OPCML: variants seen among roughly 807,000 people sequenced by gnomAD.
OPCML encodes the protein opioid-binding protein/cell adhesion molecule.
Under a neutral mutation model 37.8 loss-of-function variants are expected in OPCML, and 13 were observed. The ratio of observed to expected loss-of-function variants is 0.34; its 90% CI spans 0.22 to 0.55. The LOEUF (loss-of-function observed/expected upper bound fraction) is 0.55, where lower values mean the gene tolerates loss of function less well. OPCML is among the 20% of genes least tolerant of loss of function. The pLI is 0.91. For synonymous variants in OPCML, 176 were observed against 168.8 expected (o/e 1.04, Z -0.33); for missense variants, 341 against 435.6 (o/e 0.78, Z 1.93).
At chr11:133,472,747 T>G (rs564632008) in intron 1 of OPCML, among the ~76,000 whole-genome samples, 1 of 152,222 alleles carries the variant, frequency 6.6e-6, no homozygotes, top group East Asian at 1.9e-4. Context: ...AAGACAAATC[T>G]TCCAGTGTTT....
intron 7 of OPCML, among the ~76,000 whole-genome samples, chr11:132,434,871 G>A (rs184980701): frequency 2.0e-5 from 3 of 152,206 alleles, no homozygotes; most frequent in Admixed American, 1.3e-4. Context: ...TACAGAAATA[G>A]CAGAATGAGC....
intron 2 of OPCML, among the ~76,000 whole-genome samples, chr11:132,871,241 C>T (rs2136393878): frequency 6.6e-6 from 1 of 151,818 alleles, no homozygotes; most frequent in Admixed American, 6.6e-5. Flanking sequence ...AGTCAGCCCT[C>T]CCTATCTGTG....
Position 133,076,477 on chromosome 11 carries a change from G to A in OPCML, c.62-133467C>T, listed in dbSNP as rs115350142. 4.4e-3 allele frequency among the ~76,000 whole-genome samples: 667 copies of A among 152,300 alleles called. 3 individuals carry two copies. Among genetic ancestry groups the A allele is most frequent in the African/African-American group, 0.015 (618 of 41,558 alleles). On this transcript the variant is annotated intron_variant, in intron 1 of 7. Coordinates refer to ENST00000524381, the MANE Select transcript of OPCML (RefSeq NM_001012393.5). ...GGGTTCCATTTAAGATGTGAGGAAAGTAAGGCTTCAAGAGGAGATGTTATA... is the reference window on the plus strand; with the variant it reads ...GGGTTCCATTTAAGATGTGAGGAAAATAAGGCTTCAAGAGGAGATGTTATA...
Position 132,796,686 on chromosome 11 carries a change from G to T in OPCML, c.147-139367C>A, listed in dbSNP as rs1413107326. The stretch of plus-strand genomic sequence containing the variant: ...CCTCCCGGGTTCATGCCGTTCTCCT[G>T]CCTCGGCCTCCCTCCTGAGTAGCTG... On this transcript the variant is annotated intron_variant, in intron 2 of 7. Coordinates refer to ENST00000524381, the MANE Select transcript of OPCML (RefSeq NM_001012393.5). Among the ~76,000 whole-genome samples the T allele has an allele frequency of 2.0e-5, 3 of 146,442 alleles. No homozygotes were observed. In the East Asian group the frequency reaches 6.2e-4, roughly 30 times the overall value.
intron 1 of OPCML, among the ~76,000 whole-genome samples, chr11:133,482,529 C>T (rs1019672455): frequency 3.3e-5 from 5 of 151,946 alleles, no homozygotes; most frequent in African/African-American, 9.7e-5. Context: ...GGAGGGTGGC[C>T]GGGGCATGGC....
At chr11:133,466,930 G>A (rs1946989774) in intron 1 of OPCML, among the ~76,000 whole-genome samples, 1 of 152,212 alleles carries the variant, frequency 6.6e-6, no homozygotes, top group African/African-American at 2.4e-5. Flanking sequence ...TCCTCGGGTA[G>A]AGTTGTTTTG....
At chr11:132,447,081 C>T (rs1417917721) in intron 4 of OPCML, among the ~76,000 whole-genome samples, 1 of 152,180 alleles carries the variant, frequency 6.6e-6, no homozygotes, top group Non-Finnish European at 1.5e-5. Context: ...ACAAAACCTT[C>T]AATTAGTTAC....
intron 2 of OPCML, among the ~76,000 whole-genome samples, chr11:132,861,264 A>G (rs969720081): frequency 6.6e-6 from 1 of 152,220 alleles, no homozygotes; most frequent in African/African-American, 2.4e-5. Flanking sequence ...TTTCTTTAGA[A>G]GGGCTAGGCG....
chr11:132,707,501 A>G (rs576091059), intron 2 of OPCML, among the ~76,000 whole-genome samples: 4 of 152,376 alleles, frequency 2.6e-5, no homozygotes, highest in East Asian at 3.9e-4. Flanking sequence ...ATAGCAAATG[A>G]CATCTGCCCA....
At chr11:133,435,221 G>A (rs534600120) in intron 1 of OPCML, among the ~76,000 whole-genome samples, 2 of 152,248 alleles carry the variant, frequency 1.3e-5, no homozygotes, top group East Asian at 3.9e-4. Flanking sequence ...TGAATATGGG[G>A]ATTGATGAAG....
intron 3 of OPCML, among the ~76,000 whole-genome samples, chr11:132,594,802 A>G (rs191796765): frequency 1.2e-4 from 19 of 152,342 alleles, no homozygotes; most frequent in Non-Finnish European, 2.5e-4. Context: ...TCATAAATGA[A>G]TGAATCAATC....
chr11:133,169,324 C>T (rs1006047561), intron 1 of OPCML, among the ~76,000 whole-genome samples: 1 of 151,894 alleles, frequency 6.6e-6, no homozygotes, highest in African/African-American at 2.4e-5. Flanking sequence ...TATTAGCTCA[C>T]AAAAACCACA....
In OPCML at chr11:133,095,275, A is replaced by ATT. The variant is rs1214349245; in HGVS notation, c.62-152266_62-152265insAA. 1.2e-3 allele frequency among the ~76,000 whole-genome samples: 117 copies of ATT among 97,726 alleles called. 3 individuals carry two copies. Among genetic ancestry groups the ATT allele is most frequent in the African/African-American group, 5.4e-3 (106 of 19,584 alleles). 64.1% of individuals were successfully genotyped at this position (97,726 alleles called of 152,430 possible). A position where few individuals can be genotyped will look rare whatever the true frequency, so the allele number is the denominator to read the frequency against. ...TGAGACTAAGATGATTTTAATGTAA[A>ATT]TGTTTTTTTTTTTTTTTTTTTTTTT... On this transcript the variant is annotated intron_variant, in intron 1 of 7. Transcript: ENST00000524381.
intron 3 of OPCML, among the ~76,000 whole-genome samples, chr11:132,589,879 G>A (rs558574785): frequency 2.6e-5 from 4 of 152,240 alleles, no homozygotes; most frequent in Admixed American, 6.5e-5. Flanking sequence ...GCCAGAGAGA[G>A]TAACTAGTAC....
At chr11:133,179,836 T>G (rs1228099469) in intron 1 of OPCML, among the ~76,000 whole-genome samples, 1 of 152,090 alleles carries the variant, frequency 6.6e-6, no homozygotes, top group South Asian at 2.1e-4. Flanking sequence ...GAGAATGAGA[T>G]GCAATCAGTA....
intron 1 of OPCML, among the ~76,000 whole-genome samples, chr11:133,015,455 T>TGAAGGAAGGAAG (rs1228955578): frequency 1.5e-5 from 1 of 65,972 alleles, no homozygotes; most frequent in Admixed American, 1.5e-4. Flanking sequence ...AAGGAAGGAA[T>TGAAGGAAGGAAG]GAAGGAAGGA....
intron 2 of OPCML, among the ~76,000 whole-genome samples, chr11:132,664,395 A>G (rs932254298): frequency 2.6e-5 from 4 of 152,142 alleles, no homozygotes; most frequent in African/African-American, 9.7e-5. Flanking sequence ...AAAGCCCGAA[A>G]TGCATTTCTC....
chr11:132,831,692 A>G (rs1940700560), intron 2 of OPCML, among the ~76,000 whole-genome samples: 1 of 136,772 alleles, frequency 7.3e-6, no homozygotes, highest in Admixed American at 7.4e-5. Context: ...CCTCTCCCCC[A>G]TTCAGCATCC....
At chr11:133,020,141 C>T (rs1037230327) in intron 1 of OPCML, among the ~76,000 whole-genome samples, 1 of 152,176 alleles carries the variant, frequency 6.6e-6, no homozygotes, top group Admixed American at 6.5e-5. Flanking sequence ...CAGTCACTCG[C>T]CTGTAATCAG....
Sources: gnomAD v4.1 joint callset for allele counts (sites outside exome capture counted in the v4.1 genomes callset) on GRCh38, gnomAD v4.1.1 for gene constraint, MANE v1.5 for transcripts, NCBI Gene and HGNC (gene_info 2026-07-23, HGNC 2026-07-21) for gene names.